MAPK14: variants seen among roughly 807,000 people sequenced by gnomAD.
MAPK14 encodes mitogen-activated protein kinase 14.
Under a neutral mutation model 49.6 loss-of-function variants are expected in MAPK14, and 16 were observed. The ratio of observed to expected loss-of-function variants is 0.32; its 90% confidence interval spans 0.22 to 0.49. The LOEUF is 0.49. Among genes scored for constraint, MAPK14 ranks in the 20% least tolerant of loss-of-function variants. The pLI is 0.99. For synonymous variants in MAPK14, 142 were observed against 158.0 expected (o/e 0.90, Z 0.76); for missense variants, 200 against 441.2 (o/e 0.45, Z 4.90).
intron 11 of MAPK14, 96 bp from the exon 12 acceptor site, chr6:36,108,284 C>T: frequency 1.1e-6 from 1 of 889,990 alleles, no homozygotes; most frequent in South Asian, 1.4e-5. Context: ...ACTACCTGGA[C>T]AGAGAGGAAG....
chr6:36,034,176 G>T (rs1229575090), intron 1 of MAPK14, among the ~76,000 whole-genome samples: 4 of 152,202 alleles, frequency 2.6e-5, no homozygotes, highest in Non-Finnish European at 4.4e-5. Context: ...CCCAGTTTAT[G>T]TGAGGGGTAA....
At chr6:36,102,168 T>A (rs2127472892) in intron 9 of MAPK14, among the ~76,000 whole-genome samples, 1 of 152,370 alleles carries the variant, frequency 6.6e-6, no homozygotes, top group South Asian at 2.1e-4. Context: ...AAGTCAGCAC[T>A]GTCAAAAGAC....
At chr6:36,059,615 A>C (rs1274238161) in intron 3 of MAPK14, among the ~76,000 whole-genome samples, 1 of 152,054 alleles carries the variant, frequency 6.6e-6, no homozygotes, top group Non-Finnish European at 1.5e-5. Context: ...GAGTGGAGAG[A>C]GTTTTGACTA....
chr6:36,095,890 C>G (rs1765425648), intron 8 of MAPK14, 97 bp from the exon 9 acceptor site: 2 of 739,288 alleles, frequency 2.7e-6, no homozygotes, highest in African/African-American at 3.5e-5. Flanking sequence ...CATTTTTGTT[C>G]TCGGTGTGTT....
chr6:36,075,777 GTTGTT>G, intron 6 of MAPK14, 66 bp from the exon 7 acceptor site: 4 of 1,604,260 alleles, frequency 2.5e-6, no homozygotes, highest in Non-Finnish European at 3.4e-6. Flanking sequence ...GTTTGTTGTT[GTTGTT>G]TTGTTTTTTT....
At chr6:36,030,122 G>A (rs867456450) in intron 1 of MAPK14, among the ~76,000 whole-genome samples, 1 of 152,010 alleles carries the variant, frequency 6.6e-6, no homozygotes, top group African/African-American at 2.4e-5. Context: ...TTAATGGAGT[G>A]ATACAGCAGA....
At chr6:36,051,844 A>G (rs1340561546) in intron 1 of MAPK14, among the ~76,000 whole-genome samples, 1 of 152,158 alleles carries the variant, frequency 6.6e-6, no homozygotes, top group African/African-American at 2.4e-5. Context: ...GGCTTAGAAC[A>G]ATTTCTTGTA....
At position 36,110,059 on chromosome 6, in the gene MAPK14, CA is replaced by C. The variant is rs553140054; in HGVS notation, c.*1613del. The C allele has an allele frequency of 4.0e-4, 61 of 152,292 alleles. No homozygotes were observed. The highest frequency in any genetic ancestry group is 1.3e-3 in the African/African-American group (53 of 41,544). The allele number at this position is 152,292 out of a possible 1,614,324, so 9.4% of individuals were successfully genotyped here. ...CAACTTTATAAAGATAAAATATCCT[CA>C]GGGGTGGAGAAGTGTCGTTTTCATA... On this transcript the variant is annotated 3_prime_UTR_variant, in exon 12 of 12. Transcript: ENST00000229794.
chr6:36,069,904 G>A (rs1268089413), intron 3 of MAPK14, among the ~76,000 whole-genome samples: 2 of 152,126 alleles, frequency 1.3e-5, no homozygotes, highest in Non-Finnish European at 2.9e-5. Context: ...TTAAAAATAA[G>A]TTATGTTTGT....
At chr6:36,120,893 G>A in the MAPK14 span, among the ~76,000 whole-genome samples, 4 of 152,174 alleles carry the variant, frequency 2.6e-5, no homozygotes, top group African/African-American at 9.7e-5. Flanking sequence ...CACCAGGTAG[G>A]TAAGGAGGAT....
chr6:36,093,590 G>A (rs1354585919), intron 8 of MAPK14, among the ~76,000 whole-genome samples: 4 of 151,954 alleles, frequency 2.6e-5, no homozygotes, highest in African/African-American at 9.7e-5. Context: ...GTGGTGGCAG[G>A]CGCCTGTAGT....
intron 3 of MAPK14, among the ~76,000 whole-genome samples, chr6:36,067,880 G>A (rs896508830): frequency 1.3e-5 from 2 of 151,862 alleles, no homozygotes; most frequent in African/African-American, 4.8e-5. Context: ...CACTGTTCTC[G>A]GTACTTTAGA....
intron 6 of MAPK14, among the ~76,000 whole-genome samples, chr6:36,074,308 A>G (rs1213580838): frequency 6.6e-6 from 1 of 152,196 alleles, no homozygotes; most frequent in Non-Finnish European, 1.5e-5. Context: ...ACATAAAGTT[A>G]AATTATAAAT....
At chr6:36,094,106 A>G (rs150511903) in intron 8 of MAPK14, among the ~76,000 whole-genome samples, 1 of 152,280 alleles carries the variant, frequency 6.6e-6, no homozygotes, top group East Asian at 1.9e-4. Context: ...ATGCTATAAG[A>G]TTTTTTACTT....
At chr6:36,098,496 C>T (rs950406721) in intron 9 of MAPK14, among the ~76,000 whole-genome samples, 1 of 152,138 alleles carries the variant, frequency 6.6e-6, no homozygotes, top group Non-Finnish European at 1.5e-5. Context: ...GGTGATCATG[C>T]ACTGCACTCC....
chr6:36,089,578 G>T (rs868840898), intron 8 of MAPK14, among the ~76,000 whole-genome samples: 17 of 152,114 alleles, frequency 1.1e-4, no homozygotes, highest in Non-Finnish European at 1.9e-4. Context: ...ACTCATTTTT[G>T]TCTTAAAGCC....
chr6:36,030,801 G>A lies in MAPK14; in HGVS notation c.116+2528G>A, dbSNP rs529928741. On this transcript the variant is annotated intron_variant, in intron 1 of 11. Coordinates refer to ENST00000229794, the MANE Select transcript of MAPK14 (RefSeq NM_139012.3). ...AAGTGTCTTGTGTCTTTCCAGAGAG[G>A]CAGTTTTTTTTATTTGCTTGTTTGT... Among the ~76,000 whole-genome samples the A allele has an allele frequency of 2.6e-5, 4 of 151,876 alleles. No homozygotes were observed. The East Asian group carries it at 5.8e-4, about 22-fold the overall frequency.
chr6:36,049,303 CTTTCCTTTCCT>C (rs1169845623), intron 1 of MAPK14, among the ~76,000 whole-genome samples: 1 of 152,126 alleles, frequency 6.6e-6, no homozygotes, highest in African/African-American at 2.4e-5. Context: ...CCAAGATCTC[CTTTCCTTTCCT>C]TTTCCTTTCT....
intron 1 of MAPK14, among the ~76,000 whole-genome samples, chr6:36,046,057 C>G (rs1406424640): frequency 6.6e-6 from 1 of 151,952 alleles, no homozygotes; most frequent in Non-Finnish European, 1.5e-5. Context: ...GTGTGTGACA[C>G]AAGGGGAGGC....
Sources: allele counts gnomAD v4.1 joint callset (sites outside exome capture counted in the v4.1 genomes callset), GRCh38; gene constraint gnomAD v4.1.1; transcripts MANE v1.5; gene names NCBI Gene and HGNC (gene_info 2026-07-23, HGNC 2026-07-21).